The following PDGFRB variants were observed in gnomAD, a reference collection of about 807,000 sequenced individuals.
PDGFRB encodes platelet derived growth factor receptor beta.
In PDGFRB, 42 loss-of-function variants were observed where a neutral mutation model predicts 120.2. That is an observed-to-expected ratio of 0.35 (90% confidence interval 0.27 to 0.45). PDGFRB has a LOEUF of 0.45. Ranked by LOEUF, PDGFRB falls within the 20% of genes least tolerant of loss-of-function variation. The pLI, the probability that PDGFRB is intolerant of heterozygous loss-of-function variation, is 1.00. For missense variants in PDGFRB, 1,149 were observed against 1,476.3 expected, an observed-to-expected ratio of 0.78 and a Z score of 3.63; for synonymous variants, 586 against 606.8, an observed-to-expected ratio of 0.97 and a Z score of 0.50.
chr5:150,154,401 C>T (rs1226688860), intron 1 of PDGFRB, among the ~76,000 whole-genome samples: 4 of 152,152 alleles, frequency 2.6e-5, no homozygotes, highest in East Asian at 1.9e-4. Flanking sequence ...TATGTGGCTG[C>T]GTGAGCCTCA....
At chr5:150,131,577 A>G (rs1435606491) in intron 8 of PDGFRB, among the ~76,000 whole-genome samples, 1 of 152,136 alleles carries the variant, frequency 6.6e-6, no homozygotes, top group African/African-American at 2.4e-5. Context: ...CCCTACTGTT[A>G]GTGTTTGTCT....
intron 1 of PDGFRB, among the ~76,000 whole-genome samples, chr5:150,154,545 C>T (rs1761177025): frequency 6.6e-6 from 1 of 152,214 alleles, no homozygotes; most frequent in Non-Finnish European, 1.5e-5. Flanking sequence ...GTGGCAGCCT[C>T]TGTTAGGAGC....
At chr5:150,145,829 A>T (rs772117937) in intron 1 of PDGFRB, among the ~76,000 whole-genome samples, 1 of 152,206 alleles carries the variant, frequency 6.6e-6, no homozygotes, top group Non-Finnish European at 1.5e-5. Flanking sequence ...TGAACCCGAG[A>T]TCGCGCCACT....
Position 150,114,581 on chromosome 5 carries a change from G to C in PDGFRB, c.*1182C>G, listed in dbSNP as rs968790689. 2 of 233,392 alleles carry C rather than the reference G, an allele frequency of 8.6e-6. No homozygotes were observed. Among genetic ancestry groups the C allele is most frequent in the African/African-American group, 4.4e-5 (2 of 45,320 alleles). 14.5% of individuals were successfully genotyped at this position (233,392 alleles called of 1,614,324 possible). ...ACACCGGCTGTCACTCTAAGTCAAG[G>C]CCTGTGCAGCTGTGTTCTTGAGACT... On this transcript the variant is annotated 3_prime_UTR_variant, in exon 23 of 23. Coordinates refer to ENST00000261799, the MANE Select transcript of PDGFRB (RefSeq NM_002609.4).
chr5:150,144,973 C>T (rs915034203), intron 1 of PDGFRB, among the ~76,000 whole-genome samples: 1 of 152,234 alleles, frequency 6.6e-6, no homozygotes, highest in East Asian at 1.9e-4. Flanking sequence ...ACAGTTGACC[C>T]TTGAACTACA....
At chr5:150,145,641 T>C (rs1298390376) in intron 1 of PDGFRB, among the ~76,000 whole-genome samples, 1 of 152,120 alleles carries the variant, frequency 6.6e-6, no homozygotes, top group African/African-American at 2.4e-5. Flanking sequence ...CACAGCCCAA[T>C]GCCCATGAGA....
chr5:150,150,445 T>C (rs553722626), intron 1 of PDGFRB, among the ~76,000 whole-genome samples: 9 of 152,288 alleles, frequency 5.9e-5, no homozygotes, highest in African/African-American at 2.2e-4. Context: ...GCGGAGAAGC[T>C]GGTACCTCTG....
chr5:150,121,706 G>A lies in PDGFRB; in HGVS notation c.2344+174C>T, dbSNP rs1760141194. ...GCATGTTTCCGGATCCATAAACAGG[G>A]CTTCCGTTTAGGGGTCCACTACAGA... On this transcript the variant is annotated intron_variant, in intron 16 of 22. Transcript: ENST00000261799. This position sits in a 1 kb window ranked among gnomAD's most constrained non-coding sequence, Gnocchi z 4.1. Among the ~76,000 whole-genome samples the A allele has an allele frequency of 6.6e-6, 1 of 152,216 alleles. No individual in the cohort carries two copies. The highest frequency in any genetic ancestry group is 2.4e-5 in the African/African-American group (1 of 41,458).
At chr5:150,137,567 T>TG (rs1483878382) in intron 1 of PDGFRB, 1 of 156,552 alleles carries the variant, frequency 6.4e-6, no homozygotes, top group Admixed American at 6.5e-5. Context: ...GAGGAGGCTG[T>TG]GGGCTGTGGG....
chr5:150,117,570 A>G lies in PDGFRB; in HGVS notation c.3137+48T>C, dbSNP rs41289061. The G allele has an allele frequency of 0.049, 49,928 of 1,024,170 alleles. 1,714 individuals are homozygous for G. Among genetic ancestry groups the G allele is most frequent in the Admixed American group, 0.089 (4,976 of 55,718 alleles). 63.4% of individuals were successfully genotyped at this position (1,024,170 alleles called of 1,614,324 possible). On this transcript the variant is annotated intron_variant, in intron 22 of 22. Transcript: ENST00000261799. ...CACACACACACACACACACACACAC[A>G]CACACACACTGTGCACAATTTCCTT...
At chr5:150,117,979 T>G in intron 21 of PDGFRB, 129 bp from the exon 22 acceptor site, 1 of 632,008 alleles carries the variant, frequency 1.6e-6, no homozygotes, top group Non-Finnish European at 2.9e-6. Context: ...GGAAAGGGAT[T>G]TGCCCAAGCC....
Position 150,130,529 on chromosome 5 carries a change from G to A in PDGFRB, c.1367+10C>T. 6.2e-6 allele frequency: 10 copies of A among 1,611,780 alleles called. No individual in the cohort carries two copies. Among genetic ancestry groups the A allele is most frequent in the Non-Finnish European group, 8.5e-6 (10 of 1,179,138 alleles). ...GGGACACTGGGAGACTGAGGCCCAG[G>A]TCTGCTCACCTTTTGAGGTCTCTGC... On this transcript the variant is annotated intron_variant, in intron 9 of 22. Transcript: ENST00000261799.
rs751229604 is a variant in PDGFRB, at chr5:150,118,840, C to T, written c.2811G>A (p.Met937Ile). The stretch of plus-strand genomic sequence containing the variant: ...CAAACTTCTCTTCCCAGCACTTCTG[C>T]ATGATCTCATAGCTGGGGATAGGGA... ...AHASDEIYEI[M>I]QKCWEEKFEI... The change falls in exon 21 of 23, where the codon ATG becomes ATA. Residue 937 changes from methionine (M) to isoleucine (I), a missense_variant. Physicochemically the swap from Met to Ile is conservative, Grantham distance 10. Coordinates refer to ENST00000261799, the MANE Select transcript of PDGFRB (RefSeq NM_002609.4). The T allele has an allele frequency of 2.8e-5, 45 of 1,608,318 alleles. No individual in the cohort carries two copies. Among genetic ancestry groups the T allele is most frequent in the Non-Finnish European group, 3.3e-5 (39 of 1,175,058 alleles).
At chr5:150,137,666 G>A (rs186564821) in intron 1 of PDGFRB, among the ~76,000 whole-genome samples, 33 of 152,346 alleles carry the variant, frequency 2.2e-4, no homozygotes, top group Admixed American at 4.6e-4. Flanking sequence ...AGGCCCAGGG[G>A]ACAGCGGCTA....
chr5:150,136,946 C>A (rs2113914398), intron 2 of PDGFRB, 62 bp downstream of exon 2: 1 of 1,285,606 alleles, frequency 7.8e-7, no homozygotes, highest in Non-Finnish European at 1.1e-6. Flanking sequence ...ATCACCCCTG[C>A]CAGCTCCAGG....
intron 1 of PDGFRB, among the ~76,000 whole-genome samples, chr5:150,151,617 G>A (rs2113933752): frequency 6.6e-6 from 1 of 152,260 alleles, no homozygotes; most frequent in East Asian, 1.9e-4. Context: ...CCAGCACTTT[G>A]GGAGTCTGAG....
Position 150,121,171 on chromosome 5 carries a change from G to T in PDGFRB, c.2463+33C>A. The T allele has an allele frequency of 8.0e-7, 1 of 1,243,194 alleles. No individual in the cohort carries two copies. The highest frequency in any genetic ancestry group is 1.2e-6 in the Non-Finnish European group (1 of 842,318). 77.0% of individuals were successfully genotyped at this position (1,243,194 alleles called of 1,614,324 possible). A position where few individuals can be genotyped will look rare whatever the true frequency, so the allele number is the denominator to read the frequency against. On this transcript the variant is annotated intron_variant, in intron 17 of 22. Coordinates refer to ENST00000261799, the MANE Select transcript of PDGFRB (RefSeq NM_002609.4). This position sits in a 1 kb window ranked among gnomAD's most constrained non-coding sequence, Gnocchi z 4.1. The stretch of plus-strand genomic sequence containing the variant: ...TGGCTGGGTGACCCACCTCCCCACA[G>T]CCCCCACTCTGCCCCACCAACACCA...
rs753213198 is a variant in PDGFRB at position 150,122,058 on chromosome 5, T to C, written c.2184-18A>G. 2 of 1,609,464 alleles carry C rather than the reference T, an allele frequency of 1.2e-6. No individual in the cohort carries two copies. Among genetic ancestry groups the C allele is most frequent in the Admixed American group, 1.7e-5 (1 of 59,948 alleles). On this transcript the variant is annotated intron_variant, in intron 15 of 22. Coordinates refer to ENST00000261799, the MANE Select transcript of PDGFRB (RefSeq NM_002609.4). ...ACACATGGCTGGGGGTAAAGGAGCATCACAGGAGAGCCTGCAGGCTTTGCC... is the reference window on the plus strand; with the variant it reads ...ACACATGGCTGGGGGTAAAGGAGCACCACAGGAGAGCCTGCAGGCTTTGCC...
rs1344707463 is a variant in PDGFRB, at chr5:150,122,945, G to C, written c.2183+97C>G. ...CAGGAGTGATTCTGTCCCCTGCCCT[G>C]TCACAGCCTCAGCTTCCCCTCCTGG... On this transcript the variant is annotated intron_variant, in intron 15 of 22. Coordinates refer to ENST00000261799, the MANE Select transcript of PDGFRB (RefSeq NM_002609.4). 3 of 1,116,608 alleles carry C rather than the reference G, an allele frequency of 2.7e-6. No homozygotes were observed. The African/African-American group carries it at 4.6e-5, about 17-fold the overall frequency. 69.2% of individuals were successfully genotyped at this position (1,116,608 alleles called of 1,614,324 possible).
Sources: gnomAD v4.1 joint callset for allele counts (sites outside exome capture counted in the v4.1 genomes callset) on GRCh38, gnomAD v4.1.1 for gene constraint, Gnocchi (gnomAD v3.1) non-coding constraint, MANE v1.5 for transcripts, NCBI Gene and HGNC (gene_info 2026-07-23, HGNC 2026-07-21) for gene names.